The following ATG7 variants were observed in gnomAD, a reference collection of about 807,000 sequenced individuals.
ATG7 encodes ubiquitin-like modifier-activating enzyme ATG7.
In ATG7, 70 loss-of-function variants were observed where a neutral mutation model predicts 82.4. That is an observed-to-expected ratio of 0.85 (90% CI 0.70 to 1.04). The LOEUF is 1.04. ATG7 is among the 50% of genes least tolerant of loss of function. The pLI, the probability that ATG7 is intolerant of heterozygous loss-of-function variation, is 0.00. For missense variants in ATG7, 792 were observed against 864.3 expected, an observed-to-expected ratio of 0.92 and a Z score of 1.05; for synonymous variants, 287 against 313.0, an observed-to-expected ratio of 0.92 and a Z score of 0.88.
At chr3:11,571,348 A>G in the ATG7 span, among the ~76,000 whole-genome samples, 1 of 152,222 alleles carries the variant, frequency 6.6e-6, no homozygotes, top group African/African-American at 2.4e-5. Flanking sequence ...AGCCAGCATC[A>G]CTGCCACAAC....
chr3:11,375,379 A>G (rs1350099017), intron 18 of ATG7, among the ~76,000 whole-genome samples: 3 of 152,252 alleles, frequency 2.0e-5, no homozygotes, highest in South Asian at 2.1e-4. Flanking sequence ...AAGATAGACA[A>G]GTGGTCAAGA....
At position 11,334,055 on chromosome 3, in the gene ATG7, G is replaced by A. The variant is rs112663613; in HGVS notation, c.889+962G>A. ...TGAGCCACCGCTCCCGGCCAGCTTC[G>A]GGAATATTTCTTACCCGGAATCCAT... On this transcript the variant is annotated intron_variant, in intron 11 of 20. Coordinates refer to ENST00000693202, the MANE Select transcript of ATG7 (RefSeq NM_001349232.2). Among the ~76,000 whole-genome samples, 90 of 151,312 alleles carry A rather than the reference G, an allele frequency of 5.9e-4. 1 individual carries two copies. Among genetic ancestry groups the A allele is most frequent in the African/African-American group, 1.9e-3 (77 of 41,278 alleles).
chr3:11,530,477 G>T (rs1036021673), intron 20 of ATG7, among the ~76,000 whole-genome samples: 8 of 152,240 alleles, frequency 5.3e-5, no homozygotes, highest in African/African-American at 1.7e-4. Context: ...GGGAAATGAT[G>T]ATTTGCTTTA....
At chr3:11,509,180 C>T (rs376449503) in intron 20 of ATG7, among the ~76,000 whole-genome samples, 10 of 152,230 alleles carry the variant, frequency 6.6e-5, no homozygotes, top group South Asian at 2.1e-4. Flanking sequence ...GCAATTATGA[C>T]GCAGCGCCAC....
chr3:11,328,369 G>C (rs775441274), intron 9 of ATG7, among the ~76,000 whole-genome samples: 1 of 152,174 alleles, frequency 6.6e-6, no homozygotes, highest in Admixed American at 6.5e-5. Flanking sequence ...AAGTGCCCTA[G>C]ATGCTGAAAC....
chr3:11,564,368 C>CGGAA, the ATG7 span, among the ~76,000 whole-genome samples: 1 of 151,340 alleles, frequency 6.6e-6, no homozygotes, highest in Non-Finnish European at 1.5e-5. Context: ...CTGACATTTC[C>CGGAA]CTTCATCCGC....
chr3:11,477,999 C>A (rs1309685895), intron 20 of ATG7, among the ~76,000 whole-genome samples: 1 of 152,120 alleles, frequency 6.6e-6, no homozygotes, highest in Non-Finnish European at 1.5e-5. Context: ...TCTGATTGCC[C>A]CTACTTGGCT....
At chr3:11,485,084 G>T (rs1439234923) in intron 20 of ATG7, among the ~76,000 whole-genome samples, 1 of 152,176 alleles carries the variant, frequency 6.6e-6, no homozygotes, top group Non-Finnish European at 1.5e-5. Flanking sequence ...GGGTCAAATG[G>T]TATTTCTAGT....
intron 20 of ATG7, among the ~76,000 whole-genome samples, chr3:11,469,534 T>G (rs2087209158): frequency 6.6e-6 from 1 of 152,176 alleles, no homozygotes; most frequent in Non-Finnish European, 1.5e-5. Flanking sequence ...GACAAAATGT[T>G]CATCTCCATA....
chr3:11,429,041 C>T (rs2082614987), intron 20 of ATG7, among the ~76,000 whole-genome samples: 1 of 152,148 alleles, frequency 6.6e-6, no homozygotes, highest in South Asian at 2.1e-4. Context: ...TTTGAATTTT[C>T]CTCTACTAAA....
At position 11,443,493 on chromosome 3, in the gene ATG7, C is replaced by T. The variant is rs140937534; in HGVS notation, c.2079+16567C>T. Among the ~76,000 whole-genome samples the T allele has an allele frequency of 1.2e-3, 185 of 152,266 alleles. 4 individuals carry two copies. The East Asian group carries it at 0.034, about 28-fold the overall frequency. ...CTCAACCTTCCAAGCTCAAGTGATC[C>T]TCCCAACCTCATCCTCCTGAGTAGC... On this transcript the variant is annotated intron_variant, in intron 20 of 20. Transcript: ENST00000693202.
intron 13 of ATG7, among the ~76,000 whole-genome samples, chr3:11,345,099 C>T (rs1029870711): frequency 3.3e-5 from 5 of 151,770 alleles, no homozygotes; most frequent in African/African-American, 1.2e-4. Context: ...TCCGTCTGGG[C>T]CTGATGCATT....
chr3:11,414,807 A>G (rs902944091), intron 19 of ATG7, among the ~76,000 whole-genome samples: 1 of 152,156 alleles, frequency 6.6e-6, no homozygotes, highest in Non-Finnish European at 1.5e-5. Flanking sequence ...TTCTGCACCT[A>G]TTGATATGAT....
chr3:11,520,499 G>A lies in ATG7; in HGVS notation c.2080-34312G>A, dbSNP rs537136740. Among the ~76,000 whole-genome samples, 4 of 152,294 alleles carry A rather than the reference G, an allele frequency of 2.6e-5. No homozygotes were observed. In the South Asian group the frequency reaches 6.2e-4, roughly 24 times the overall value. ...ATTATGGCTACTGATGGTGGCTGCCGTGCCAGGCACCATACCGGATGGGCT... is the reference window on the plus strand; with the variant it reads ...ATTATGGCTACTGATGGTGGCTGCCATGCCAGGCACCATACCGGATGGGCT... On this transcript the variant is annotated intron_variant, in intron 20 of 20. Transcript: ENST00000693202.
At chr3:11,456,567 T>C (rs566374529) in intron 20 of ATG7, among the ~76,000 whole-genome samples, 3 of 152,334 alleles carry the variant, frequency 2.0e-5, no homozygotes, top group African/African-American at 7.2e-5. Flanking sequence ...TGATATATTC[T>C]GATACTTAAA....
At chr3:11,549,369 T>A (rs975925280) in intron 20 of ATG7, among the ~76,000 whole-genome samples, 1 of 152,208 alleles carries the variant, frequency 6.6e-6, no homozygotes, top group Non-Finnish European at 1.5e-5. Flanking sequence ...TGAGAGCACC[T>A]AAAATCTACT....
chr3:11,290,126 T>A (rs1044037428), intron 3 of ATG7, among the ~76,000 whole-genome samples: 1 of 152,232 alleles, frequency 6.6e-6, no homozygotes, highest in African/African-American at 2.4e-5. Flanking sequence ...AGCTCACTTT[T>A]GCTAATATTG....
intron 20 of ATG7, among the ~76,000 whole-genome samples, chr3:11,549,195 G>A: frequency 6.6e-6 from 1 of 152,080 alleles, no homozygotes; most frequent in African/African-American, 2.4e-5. Flanking sequence ...TGCCCTTGTA[G>A]GATTTCATAT....
chr3:11,431,389 G>GA (rs757962461), intron 20 of ATG7, among the ~76,000 whole-genome samples: 28 of 152,066 alleles, frequency 1.8e-4, no homozygotes, highest in African/African-American at 6.3e-4. Flanking sequence ...AGGGCGGGGG[G>GA]AAAAAAACAA....
Sources: allele counts gnomAD v4.1 joint callset (sites outside exome capture counted in the v4.1 genomes callset), GRCh38; gene constraint gnomAD v4.1.1; transcripts MANE v1.5; gene names NCBI Gene and HGNC (gene_info 2026-07-23, HGNC 2026-07-21).